UPRT: variants seen among roughly 807,000 people sequenced by gnomAD.
The protein encoded by UPRT is RP11-311P8.3.
A neutral mutation model predicts 22.6 loss-of-function variants in UPRT; 5 were observed. That is an observed-to-expected ratio of 0.22 (90% CI 0.12 to 0.47). UPRT has a LOEUF of 0.47. Ranked by LOEUF, UPRT falls within the 20% of genes least tolerant of loss-of-function variation. The pLI is 0.99. For missense variants in UPRT, 181 were observed against 239.9 expected, an observed-to-expected ratio of 0.75 and a Z score of 1.62; for synonymous variants, 77 against 87.7, an observed-to-expected ratio of 0.88 and a Z score of 0.68.
intron 1 of UPRT, among the ~76,000 whole-genome samples, chrX:75,288,715 A>T (rs1341257243): frequency 9.0e-6 from 1 of 111,723 alleles, no homozygotes; most frequent in African/African-American, 3.3e-5. Context: ...TCTATAACAA[A>T]CCCACAGCCA....
intron 4 of UPRT, among the ~76,000 whole-genome samples, chrX:75,248,009 G>A (rs778897977): frequency 1.8e-5 from 2 of 111,822 alleles, no homozygotes; most frequent in African/African-American, 6.5e-5. Context: ...GGGTCCTGAC[G>A]GTTAGAAGCA....
chrX:75,261,576 T>C (rs1206886472), intron 4 of UPRT, among the ~76,000 whole-genome samples: 3 of 111,935 alleles, frequency 2.7e-5, no homozygotes, highest in East Asian at 5.6e-4. Flanking sequence ...GATTCACAGC[T>C]GAATTTGACT....
chrX:75,290,487 CACGCACTTGTA>C (rs2082702251), intron 1 of UPRT, among the ~76,000 whole-genome samples: 3 of 111,733 alleles, frequency 2.7e-5, no homozygotes, highest in Non-Finnish European at 5.6e-5. Context: ...CAAAAAACCA[CACGCACTTGTA>C]TGTTCATCAC....
chrX:75,210,652 G>A (rs1292269819), intron 4 of UPRT, among the ~76,000 whole-genome samples: 5 of 104,642 alleles, frequency 4.8e-5, no homozygotes, highest in African/African-American at 1.4e-4. Flanking sequence ...AGGAGAATAA[G>A]GAGGGGATGG....
chrX:75,177,629 T>A (rs1569259087), intron 4 of UPRT, among the ~76,000 whole-genome samples: 1 of 111,523 alleles, frequency 9.0e-6, no homozygotes, highest in East Asian at 2.8e-4. Context: ...GAGTGACACC[T>A]TTTGTCCTCA....
At position 75,274,240 on chromosome X, in the gene UPRT, C is replaced by A; in HGVS notation, c.-15C>A. 1 of 1,188,439 alleles carries A rather than the reference C, an allele frequency of 8.4e-7. No individual in the cohort carries two copies. Among genetic ancestry groups the A allele is most frequent in the Non-Finnish European group, 1.1e-6 (1 of 881,651 alleles). On this transcript the variant is annotated 5_prime_UTR_variant, in exon 1 of 7. Coordinates refer to ENST00000373383, the MANE Select transcript of UPRT (RefSeq NM_145052.4). ...TAGTGTTCAGTAGCAGCGGGGATAG[C>A]CCGGGGCCCGGTGTATGGCCACGGA...
chrX:75,170,296 C>T (rs1457622966), intron 4 of UPRT, among the ~76,000 whole-genome samples: 1 of 111,682 alleles, frequency 9.0e-6, no homozygotes, highest in Non-Finnish European at 1.9e-5. Context: ...CTTGGCCTCC[C>T]AAATTGCTGG....
At chrX:75,191,914 AGG>A (rs2082316542) in intron 4 of UPRT, among the ~76,000 whole-genome samples, 1 of 111,271 alleles carries the variant, frequency 9.0e-6, no homozygotes, top group Non-Finnish European at 1.9e-5. Context: ...TTCCTGGGTG[AGG>A]CGATGCCTCA....
intron 4 of UPRT, among the ~76,000 whole-genome samples, chrX:75,237,562 T>A (rs1220913291): frequency 9.1e-6 from 1 of 110,256 alleles, no homozygotes; most frequent in Non-Finnish European, 1.9e-5. Flanking sequence ...TGTCCAACAA[T>A]GATAGACTGG....
chrX:75,297,175 A>G (rs1342502319), intron 3 of UPRT, among the ~76,000 whole-genome samples: 1 of 111,968 alleles, frequency 8.9e-6, no homozygotes, highest in African/African-American at 3.2e-5. Flanking sequence ...GGTATATAGC[A>G]TTCTCAGAGT....
Position 75,218,941 on chromosome X carries a change from T to C in UPRT, c.-447+51062T>C, listed in dbSNP as rs567655008. Among the ~76,000 whole-genome samples, 3 of 110,774 alleles carry C rather than the reference T, an allele frequency of 2.7e-5. No homozygotes were observed. The South Asian group carries it at 1.2e-3, about 44-fold the overall frequency. ...TTTAGGAGATATACCTAATGCTAAA[T>C]AATGAGTTAATGGGTGCAGCACACC... is the stretch of plus-strand genomic sequence containing the variant. On this transcript the variant is annotated intron_variant, in intron 4 of 13. Transcript: ENST00000652605.
intron 4 of UPRT, among the ~76,000 whole-genome samples, chrX:75,234,598 A>G (rs1352571984): frequency 8.9e-6 from 1 of 112,095 alleles, no homozygotes; most frequent in African/African-American, 3.2e-5. Flanking sequence ...CTCAGACCAC[A>G]TTGCAATCAA....
At chrX:75,190,720 C>T (rs1329360471) in intron 4 of UPRT, among the ~76,000 whole-genome samples, 2 of 111,761 alleles carry the variant, frequency 1.8e-5, no homozygotes, top group African/African-American at 6.5e-5. Context: ...CGCTTCATTT[C>T]ATTCATTTGA....
intron 4 of UPRT, among the ~76,000 whole-genome samples, chrX:75,200,548 T>C (rs1340686810): frequency 8.9e-6 from 1 of 112,290 alleles, no homozygotes; most frequent in African/African-American, 3.2e-5. Context: ...GAGCCAAGAT[T>C]GCGTCACCGC....
intron 4 of UPRT, among the ~76,000 whole-genome samples, chrX:75,222,285 C>A (rs536353701): frequency 8.9e-6 from 1 of 111,837 alleles, no homozygotes; most frequent in African/African-American, 3.3e-5. Flanking sequence ...TGGATGAGAA[C>A]TGAAGCCAGC....
Position 75,297,563 on chromosome X carries a change from C to CGT in UPRT, c.562+18_562+19dup, listed in dbSNP as rs1320593784. The CGT allele has an allele frequency of 8.3e-7, 1 of 1,210,157 alleles. No individual in the cohort carries two copies. The highest frequency in any genetic ancestry group is 1.8e-5 in the South Asian group (1 of 56,911). Reference sequence around the variant, plus strand: ...AGCATAATGAGAAGCGGTAGGTTCACGTGTGTGTGATTTTTGTCTCTTTGT... The same window carrying CGT: ...AGCATAATGAGAAGCGGTAGGTTCACGTGTGTGTGTGATTTTTGTCTCTTTGT... On this transcript the variant is annotated intron_variant, in intron 4 of 6. Coordinates refer to ENST00000373383, the MANE Select transcript of UPRT (RefSeq NM_145052.4).
intron 4 of UPRT, among the ~76,000 whole-genome samples, chrX:75,232,903 T>C (rs2082444280): frequency 1.8e-5 from 2 of 112,381 alleles, no homozygotes; most frequent in South Asian, 7.4e-4. Flanking sequence ...AGGAACGCAG[T>C]TCCTCACCAG....
At chrX:75,259,427 G>A (rs1362561535) in intron 4 of UPRT, among the ~76,000 whole-genome samples, 5 of 108,584 alleles carry the variant, frequency 4.6e-5, no homozygotes, top group Non-Finnish European at 9.5e-5. Flanking sequence ...TGACCGGATG[G>A]AGCTCAGAAA....
intron 4 of UPRT, among the ~76,000 whole-genome samples, chrX:75,191,781 G>C (rs2082316113): frequency 8.9e-6 from 1 of 112,407 alleles, no homozygotes; most frequent in South Asian, 3.7e-4. Flanking sequence ...GATATAATCT[G>C]CTGCTGTGCC....
Sources: allele counts gnomAD v4.1 joint callset (sites outside exome capture counted in the v4.1 genomes callset), GRCh38; gene constraint gnomAD v4.1.1; transcripts MANE v1.5; gene names NCBI Gene and HGNC (gene_info 2026-07-23, HGNC 2026-07-21).